The following SLC9A2 variants were observed in gnomAD, a reference collection of about 807,000 sequenced individuals.
SLC9A2 encodes the protein solute carrier family 9 member A2.
SLC9A2 carries 42 observed loss-of-function variants against 71.7 expected under a neutral mutation model. That is an observed-to-expected ratio of 0.59 (90% confidence interval 0.46 to 0.76). The LOEUF (loss-of-function observed/expected upper bound fraction) is 0.76. Among genes scored for constraint, SLC9A2 ranks in the 30% least tolerant of loss-of-function variants. SLC9A2 has a pLI of 0.00. For synonymous variants in SLC9A2, 396 were observed against 392.5 expected, an observed-to-expected ratio of 1.01 and a Z score of -0.10; for missense variants, 829 against 1,017.4, an observed-to-expected ratio of 0.81 and a Z score of 2.52.
At chr2:102,696,838 T>C (rs1401202351) in intron 7 of SLC9A2, among the ~76,000 whole-genome samples, 3 of 152,184 alleles carry the variant, frequency 2.0e-5, no homozygotes, top group Non-Finnish European at 2.9e-5. Flanking sequence ...ATATTCTCCA[T>C]TGTAAAACTA....
chr2:102,703,345 A>G (rs1198970148), intron 9 of SLC9A2, among the ~76,000 whole-genome samples: 3 of 152,066 alleles, frequency 2.0e-5, no homozygotes, highest in Non-Finnish European at 4.4e-5. Flanking sequence ...TGCCTCACCC[A>G]TCTGCTCCCT....
At chr2:102,696,388 T>C (rs770127332) in intron 7 of SLC9A2, among the ~76,000 whole-genome samples, 1 of 152,154 alleles carries the variant, frequency 6.6e-6, no homozygotes, top group Non-Finnish European at 1.5e-5. Context: ...TAACAGAATT[T>C]TTTTTCCCTC....
chr2:102,694,483 A>T lies in SLC9A2; in HGVS notation c.1495A>T (p.Ser499Cys). The T allele has an allele frequency of 6.5e-7, 1 of 1,538,786 alleles. No homozygotes were observed. Among genetic ancestry groups the T allele is most frequent in the Admixed American group, 1.7e-5 (1 of 58,648 alleles). The change falls in exon 6 of 12, where the codon AGT (serine) becomes TGT (cysteine). Residue 499 changes from serine (S) to cysteine (C), a missense_variant. By Grantham distance (112) the Ser-to-Cys change is moderately radical. This residue lies in a region of SLC9A2 where 500 missense variants were observed against 726.3 expected (regional missense o/e 0.69). Transcript: ENST00000233969. ...GTCCAATAAGAAACAACAAGCTGTC[A>T]GTGAAGAAATCTATTGTCGGGTAGG... ...KRSNKKQQAV[S>C]EEIYCRLFDH...
intron 3 of SLC9A2, among the ~76,000 whole-genome samples, chr2:102,670,041 A>T (rs926340263): frequency 2.0e-4 from 30 of 149,976 alleles, no homozygotes; most frequent in Non-Finnish European, 3.3e-4. Flanking sequence ...TTTATTTTTT[A>T]TTTTTTTTGA....
Position 102,619,766 on chromosome 2 carries a change from A to T in SLC9A2, c.-83A>T. 7.9e-7 allele frequency: 1 copy of T among 1,260,738 alleles called. No individual in the cohort carries two copies. The highest frequency in any genetic ancestry group is 1.1e-6 in the Non-Finnish European group (1 of 950,098). The allele number at this position is 1,260,738 out of a possible 1,614,324, so 78.1% of individuals were successfully genotyped here. A position where few individuals can be genotyped will look rare whatever the true frequency, so the allele number is the denominator to read the frequency against. On this transcript the variant is annotated 5_prime_UTR_variant, in exon 1 of 12. Coordinates refer to ENST00000233969, the MANE Select transcript of SLC9A2 (RefSeq NM_003048.6). This position sits in a 1 kb window ranked among gnomAD's most constrained non-coding sequence, Gnocchi z 4.3. Reference sequence around the variant, plus strand: ...CCCTGCCCTGCACGGGGCAGGGCGGAGCGGGCTGAGCAGCCCGGGCGCGAT... The same window carrying T: ...CCCTGCCCTGCACGGGGCAGGGCGGTGCGGGCTGAGCAGCCCGGGCGCGAT...
intron 1 of SLC9A2, among the ~76,000 whole-genome samples, chr2:102,653,759 G>A (rs1676879695): frequency 6.6e-6 from 1 of 152,238 alleles, no homozygotes; most frequent in Non-Finnish European, 1.5e-5. Flanking sequence ...GGAAATGGGA[G>A]TCTCCAAAAC....
At position 102,709,046 on chromosome 2, in the gene SLC9A2, AC is replaced by A. The variant is rs1257148790; in HGVS notation, c.*558del. ...CAGCTGGAAGCAGAGACACCTTATG[AC>A]TCAAACTGGGCAAACAATCGGAACG... On this transcript the variant is annotated 3_prime_UTR_variant, in exon 12 of 12. Coordinates refer to ENST00000233969, the MANE Select transcript of SLC9A2 (RefSeq NM_003048.6). The A allele has an allele frequency of 6.5e-6, 1 of 153,646 alleles. No homozygotes were observed. The highest frequency in any genetic ancestry group is 2.4e-5 in the African/African-American group (1 of 41,460). 9.5% of individuals were successfully genotyped at this position (153,646 alleles called of 1,614,324 possible).
At chr2:102,620,852 A>G (rs545521584) in intron 1 of SLC9A2, among the ~76,000 whole-genome samples, 1 of 152,278 alleles carries the variant, frequency 6.6e-6, no homozygotes, top group East Asian at 1.9e-4. Context: ...CATCATGGGC[A>G]ACATAGCAAG....
In SLC9A2 at chr2:102,657,766, G is replaced by A; in HGVS notation, c.492G>A (p.Glu164=). Residue 164 remains glutamate (E), a synonymous_variant, in exon 2 of 12, where the codon GAG becomes GAA. Transcript: ENST00000233969. ...GYFMPTRPFF[E]NIGTIFWYAV... ...TCATGCCCACTCGCCCATTCTTTGA[G>A]AACATTGGCACGATTTTCTGGTATG... The A allele has an allele frequency of 1.2e-6, 2 of 1,614,200 alleles. No homozygotes were observed. The highest frequency in any genetic ancestry group is 1.7e-6 in the Non-Finnish European group (2 of 1,180,042).
chr2:102,657,795 T>A lies in SLC9A2; in HGVS notation c.521T>A (p.Val174Glu). Residue 174 changes from valine (V) to glutamate (E), a missense_variant, in exon 2 of 12, where the codon GTG (valine) becomes GAG (glutamate). By Grantham distance (121) the Val-to-Glu change is moderately radical. Coordinates refer to ENST00000233969, the MANE Select transcript of SLC9A2 (RefSeq NM_003048.6). ...ATTGGCACGATTTTCTGGTATGCTG[T>A]GGTAGGGACACTTTGGAATTCCATT... The part of the protein sequence containing the change: ...ENIGTIFWYA[V>E]VGTLWNSIGI... 2 of 1,614,162 alleles carry A rather than the reference T, an allele frequency of 1.2e-6. No homozygotes were observed. The highest frequency in any genetic ancestry group is 1.7e-6 in the Non-Finnish European group (2 of 1,180,032).
chr2:102,695,815 A>T (rs1347509265), intron 7 of SLC9A2, among the ~76,000 whole-genome samples: 21 of 86,458 alleles, frequency 2.4e-4, no homozygotes, highest in Non-Finnish European at 3.7e-4. Flanking sequence ...TATATATATA[A>T]TATATATATA....
intron 1 of SLC9A2, among the ~76,000 whole-genome samples, chr2:102,621,287 G>T (rs933960755): frequency 1.3e-5 from 2 of 150,316 alleles, no homozygotes; most frequent in African/African-American, 4.9e-5. Flanking sequence ...GGTTGCGGTT[G>T]CAGTGAGCCA....
chr2:102,657,448 T>C, intron 1 of SLC9A2, 116 bp from the exon 2 acceptor site: 1 of 657,422 alleles, frequency 1.5e-6, no homozygotes, highest in Non-Finnish European at 2.6e-6. Flanking sequence ...AAGACAGTGA[T>C]ACTGACTTGG....
In SLC9A2 at chr2:102,627,151, CAAT is replaced by C. The variant is rs5833032; in HGVS notation, c.289+7017_289+7019del. On this transcript the variant is annotated intron_variant, in intron 1 of 11. Transcript: ENST00000233969. ...ATGTTAACAACAACAACAACAACAA[CAAT>C]AACAACAACAAAAAGCCAGGTTTGG... Among the ~76,000 whole-genome samples, 1,793 of 56,140 alleles carry C rather than the reference CAAT, an allele frequency of 0.032. 51 individuals are homozygous for C. In the East Asian group the frequency reaches 0.37, roughly 12 times the overall value. 36.8% of individuals were successfully genotyped at this position (56,140 alleles called of 152,430 possible).
chr2:102,666,766 G>A (rs1403783903), intron 3 of SLC9A2, among the ~76,000 whole-genome samples: 23 of 152,162 alleles, frequency 1.5e-4, no homozygotes, highest in Non-Finnish European at 5.9e-5. Context: ...GTAAGACCCT[G>A]TATACGGTCA....
chr2:102,702,397 C>T lies in SLC9A2; in HGVS notation c.1749-9C>T. ...AAAGGTAAAATATTCTTTTTCTAAA[C>T]TTTCACAGTGATTGTCGTGAAGAAA... On this transcript the variant is annotated splice_polypyrimidine_tract_variant and intron_variant, in intron 8 of 11. Coordinates refer to ENST00000233969, the MANE Select transcript of SLC9A2 (RefSeq NM_003048.6). 6.7e-7 allele frequency: 1 copy of T among 1,494,222 alleles called. No individual in the cohort carries two copies. The allele number at this position is 1,494,222 out of a possible 1,614,324, so 92.6% of individuals were successfully genotyped here.
chr2:102,658,578 C>G (rs1234352447), intron 2 of SLC9A2, among the ~76,000 whole-genome samples: 1 of 151,490 alleles, frequency 6.6e-6, no homozygotes, highest in Non-Finnish European at 1.5e-5. Context: ...ACGCTCACTG[C>G]TCACTTTCTG....
chr2:102,632,125 T>TAC (rs1159659759), intron 1 of SLC9A2, among the ~76,000 whole-genome samples: 42,964 of 108,808 alleles, frequency 0.39, 9,497 homozygotes, highest in East Asian at 0.63. Flanking sequence ...TATATACATA[T>TAC]ATACATATAT....
Position 102,701,243 on chromosome 2 carries a change from C to T in SLC9A2, c.1748+12C>T. On this transcript the variant is annotated intron_variant, in intron 8 of 11. Transcript: ENST00000233969. Reference sequence around the variant, plus strand: ...TTTGCATCTCTAAAGTAAGTATGGTCTTGCAAATAAAAGTTAGTATTGTTA... The same window carrying T: ...TTTGCATCTCTAAAGTAAGTATGGTTTTGCAAATAAAAGTTAGTATTGTTA... The T allele has an allele frequency of 6.4e-7, 1 of 1,571,460 alleles. No homozygotes were observed. The highest frequency in any genetic ancestry group is 8.6e-7 in the Non-Finnish European group (1 of 1,161,204).
Sources: allele counts gnomAD v4.1 joint callset (sites outside exome capture counted in the v4.1 genomes callset), GRCh38; gene constraint gnomAD v4.1.1; regional missense constraint gnomAD v4.1.1; non-coding constraint Gnocchi (gnomAD v3.1); transcripts MANE v1.5; gene names NCBI Gene and HGNC (gene_info 2026-07-23, HGNC 2026-07-21).